Variants in ERC1 observed in about 807,000 individuals in gnomAD.
The protein encoded by ERC1 is RAB6 interacting protein 2.
A neutral mutation model predicts 132.0 loss-of-function variants in ERC1; 56 were observed. The observed-to-expected ratio is 0.42, with a 90% confidence interval of 0.34 to 0.53. ERC1 has a LOEUF of 0.53. Ranked by LOEUF, ERC1 falls within the 20% of genes least tolerant of loss-of-function variation. The pLI is 0.03. For synonymous variants in ERC1, 478 were observed against 476.1 expected, an observed-to-expected ratio of 1.00 and a Z score of -0.05; for missense variants, 1,202 against 1,349.9, an observed-to-expected ratio of 0.89 and a Z score of 1.72.
chr12:1,359,177 T>G (rs180724484), intron 15 of ERC1, among the ~76,000 whole-genome samples: 216 of 152,322 alleles, frequency 1.4e-3, no homozygotes, highest in Non-Finnish European at 2.3e-3. Context: ...GCTTTCTCCC[T>G]GAGGATCAGT....
At chr12:1,231,133 CT>C (rs1286397415) in intron 12 of ERC1, among the ~76,000 whole-genome samples, 1 of 143,966 alleles carries the variant, frequency 6.9e-6, no homozygotes, top group East Asian at 2.0e-4. Context: ...TGCTGCCTTC[CT>C]TTCTGATTTG....
chr12:1,218,303 G>A (rs1447408918), intron 12 of ERC1, among the ~76,000 whole-genome samples: 1 of 152,012 alleles, frequency 6.6e-6, no homozygotes, highest in African/African-American at 2.4e-5. Context: ...ACCTAAAGAT[G>A]CTTCTCCCTC....
At chr12:1,243,289 A>T (rs184016552) in intron 13 of ERC1, among the ~76,000 whole-genome samples, 4 of 151,988 alleles carry the variant, frequency 2.6e-5, no homozygotes, top group African/African-American at 9.7e-5. Flanking sequence ...ACAGCATTTT[A>T]TATCAGGGAC....
Position 1,371,916 on chromosome 12 carries a change from A to G in ERC1, c.2864A>G (p.Gln955Arg). 6.2e-7 allele frequency: 1 copy of G among 1,614,146 alleles called. No homozygotes were observed. Among genetic ancestry groups the G allele is most frequent in the Non-Finnish European group, 8.5e-7 (1 of 1,180,030 alleles). Residue 955 changes from glutamine (Q) to arginine (R), a missense_variant, in exon 16 of 19, where the codon CAA becomes CGA. By Grantham distance (43) the Gln-to-Arg change is conservative. Transcript: ENST00000360905. ...LELSSSKKKT[Q>R]EEVAALKREK... ...CTTTCGTCCTCTAAGAAGAAGACCCAAGAGGAAGTGGCTGCCCTGAAGCGG... is the reference window on the plus strand; with the variant it reads ...CTTTCGTCCTCTAAGAAGAAGACCCGAGAGGAAGTGGCTGCCCTGAAGCGG...
chr12:1,337,027 G>A (rs2083375328), intron 15 of ERC1, among the ~76,000 whole-genome samples: 1 of 152,158 alleles, frequency 6.6e-6, no homozygotes, highest in South Asian at 2.1e-4. Flanking sequence ...TGTTGGCCAG[G>A]CTGATCTCAA....
chr12:1,381,436 C>T (rs973923990), intron 16 of ERC1, among the ~76,000 whole-genome samples: 1 of 152,128 alleles, frequency 6.6e-6, no homozygotes, highest in Non-Finnish European at 1.5e-5. Context: ...TGGCCTCAAG[C>T]CATCCTCCCA....
At chr12:1,346,664 C>T (rs942336745) in intron 15 of ERC1, among the ~76,000 whole-genome samples, 2 of 152,048 alleles carry the variant, frequency 1.3e-5, no homozygotes, top group South Asian at 2.1e-4. Flanking sequence ...GGTTTTCGGC[C>T]GGGCGCGGTG....
At chr12:1,216,137 A>G (rs1302828484) in intron 12 of ERC1, among the ~76,000 whole-genome samples, 1 of 151,992 alleles carries the variant, frequency 6.6e-6, no homozygotes, top group African/African-American at 2.4e-5. Flanking sequence ...CTTTTCCTCT[A>G]GGCGCATCCT....
chr12:1,346,886 G>A (rs889403143), intron 15 of ERC1, among the ~76,000 whole-genome samples: 3 of 149,796 alleles, frequency 2.0e-5, no homozygotes, highest in Admixed American at 6.7e-5. Context: ...AGCTTGCAGT[G>A]AGCCGAGATT....
chr12:1,437,522 C>G (rs2092983031), intron 17 of ERC1, among the ~76,000 whole-genome samples: 1 of 152,144 alleles, frequency 6.6e-6, no homozygotes, highest in Non-Finnish European at 1.5e-5. Flanking sequence ...AGTAGGCAAG[C>G]CCCTAACAGT....
At chr12:1,173,423 T>C (rs1399268935) in intron 8 of ERC1, among the ~76,000 whole-genome samples, 3 of 152,212 alleles carry the variant, frequency 2.0e-5, no homozygotes, top group African/African-American at 7.2e-5. Flanking sequence ...TTTATAGTCC[T>C]AAACAATGGA....
At chr12:1,196,806 TTCTCTCTCTC>T (rs755412381) in intron 12 of ERC1, among the ~76,000 whole-genome samples, 2 of 90,320 alleles carry the variant, frequency 2.2e-5, no homozygotes, top group Admixed American at 1.1e-4. Flanking sequence ...CGCACGCTAT[TTCTCTCTCTC>T]TCTCTCTCTC....
At chr12:1,365,848 A>G (rs540758301) in intron 15 of ERC1, among the ~76,000 whole-genome samples, 34 of 152,242 alleles carry the variant, frequency 2.2e-4, no homozygotes, top group Non-Finnish European at 2.9e-4. Flanking sequence ...AAATGGATAA[A>G]CAAAATGTGG....
intron 16 of ERC1, among the ~76,000 whole-genome samples, chr12:1,407,907 G>A (rs923225646): frequency 2.0e-5 from 3 of 152,128 alleles, no homozygotes; most frequent in African/African-American, 7.2e-5. Flanking sequence ...TGAAGACCCT[G>A]TCTCTGGGTA....
At position 1,409,894 on chromosome 12, in the gene ERC1, A is replaced by T. The variant is rs556067872; in HGVS notation, c.3024+1647A>T. On this transcript the variant is annotated intron_variant, in intron 17 of 18. Coordinates refer to ENST00000360905, the MANE Select transcript of ERC1 (RefSeq NM_178040.4). Reference sequence around the variant, plus strand: ...TGGCTAATGTTTGTATTTTAGTTAGAGACAGGGTTTCACCGTGTTGGCCAG... The same window carrying T: ...TGGCTAATGTTTGTATTTTAGTTAGTGACAGGGTTTCACCGTGTTGGCCAG... Among the ~76,000 whole-genome samples the T allele has an allele frequency of 4.6e-5, 7 of 152,096 alleles. No individual in the cohort carries two copies. The South Asian group carries it at 1.5e-3, about 32-fold the overall frequency.
At position 1,405,786 on chromosome 12, in the gene ERC1, C is replaced by T. The variant is rs945282405; in HGVS notation, c.2926-2363C>T. Reference sequence around the variant, plus strand: ...AGATTTTGGGCTGGTCACCGTGGCTCACGCCTGTAATCCCAACTCTCTGAG... The same window carrying T: ...AGATTTTGGGCTGGTCACCGTGGCTTACGCCTGTAATCCCAACTCTCTGAG... On this transcript the variant is annotated intron_variant, in intron 16 of 18. Coordinates refer to ENST00000360905, the MANE Select transcript of ERC1 (RefSeq NM_178040.4). Among the ~76,000 whole-genome samples the T allele has an allele frequency of 2.6e-5, 4 of 152,262 alleles. No homozygotes were observed. The East Asian group carries it at 5.8e-4, about 22-fold the overall frequency.
At chr12:1,188,234 T>C (rs1955329534) in intron 11 of ERC1, among the ~76,000 whole-genome samples, 1 of 152,206 alleles carries the variant, frequency 6.6e-6, no homozygotes, top group Non-Finnish European at 1.5e-5. Context: ...TCTCAGTTAC[T>C]TCTGCTTTTG....
chr12:1,062,080 TC>T (rs1159287800), intron 2 of ERC1, among the ~76,000 whole-genome samples: 1 of 143,760 alleles, frequency 7.0e-6, no homozygotes, highest in Non-Finnish European at 1.5e-5. Context: ...AAGCTCTGCC[TC>T]CCGGGTTCAC....
chr12:1,012,676 G>C (rs1432183104), intron 1 of ERC1, among the ~76,000 whole-genome samples: 1 of 151,854 alleles, frequency 6.6e-6, no homozygotes, highest in African/African-American at 2.4e-5. Context: ...GGATGGTCTC[G>C]ATCTCCTGAC....
Sources: allele counts gnomAD v4.1 joint callset (sites outside exome capture counted in the v4.1 genomes callset), GRCh38; gene constraint gnomAD v4.1.1; transcripts MANE v1.5; gene names NCBI Gene and HGNC (gene_info 2026-07-23, HGNC 2026-07-21).